The following MPRIP variants were observed in gnomAD, a reference collection of about 807,000 sequenced individuals.
MPRIP encodes the protein myosin phosphatase Rho-interacting protein.
In MPRIP, 59 loss-of-function variants were observed where a neutral mutation model predicts 234.9. The observed-to-expected ratio is 0.25, with a 90% CI of 0.20 to 0.31. MPRIP has a LOEUF of 0.31. Ranked by LOEUF, MPRIP falls within the 10% of genes least tolerant of loss-of-function variation. The pLI, the probability that MPRIP is intolerant of heterozygous loss-of-function variation, is 1.00. For synonymous variants in MPRIP, 1,144 were observed against 1,263.9 expected, an observed-to-expected ratio of 0.91 and a Z score of 2.01; for missense variants, 2,436 against 3,071.0, an observed-to-expected ratio of 0.79 and a Z score of 4.89.
At chr17:17,096,339 GT>G in intron 3 of MPRIP, among the ~76,000 whole-genome samples, 1 of 129,704 alleles carries the variant, frequency 7.7e-6, no homozygotes, top group Non-Finnish European at 1.6e-5. Flanking sequence ...GTGTGTGTGT[GT>G]GTCTCAGAGT....
At chr17:17,094,386 T>C (rs992787353) in intron 3 of MPRIP, among the ~76,000 whole-genome samples, 2 of 152,202 alleles carry the variant, frequency 1.3e-5, no homozygotes, top group Non-Finnish European at 2.9e-5. Context: ...CCTGATCCTT[T>C]GCAAATAAAC....
chr17:17,160,175 G>A (rs1411752999), intron 14 of MPRIP, among the ~76,000 whole-genome samples: 4 of 152,058 alleles, frequency 2.6e-5, no homozygotes, highest in Non-Finnish European at 5.9e-5. Context: ...AAGACCATCC[G>A]GCCAACATGG....
At position 17,165,215 on chromosome 17, in the gene MPRIP, G is replaced by T; in HGVS notation, c.3624G>T (p.Lys1208Asn). ...GCAGCTTAGAGGAAACAGAAATTAAGCTCCAGGCAAAAGAAGAGATTTTAA... is the reference window on the plus strand; with the variant it reads ...GCAGCTTAGAGGAAACAGAAATTAATCTCCAGGCAAAAGAAGAGATTTTAA... Reference protein sequence around the residue: ...LGSSLEETEIKLQAKEEILRK... With the variant: ...LGSSLEETEINLQAKEEILRK... Residue 1208 changes from lysine to asparagine, a missense_variant, in exon 16 of 24, where the codon AAG (lysine) becomes AAT (asparagine). Around this residue, in one of 4 missense-constraint regions of MPRIP, gnomAD observed 1,998 missense variants for 2,520.3 expected, o/e 0.79. Transcript: ENST00000651222. The T allele has an allele frequency of 7.7e-7, 1 of 1,304,142 alleles. No individual in the cohort carries two copies. The highest frequency in any genetic ancestry group is 1.0e-6 in the Non-Finnish European group (1 of 988,968). The allele number at this position is 1,304,142 out of a possible 1,614,324, so 80.8% of individuals were successfully genotyped here. A position where few individuals can be genotyped will look rare whatever the true frequency, so the allele number is the denominator to read the frequency against.
In MPRIP at chr17:17,192,199, G is replaced by A. The variant is rs555484267; in HGVS notation, c.*7305G>A. ...TTCTGTCACATGATGAAAAGAAGCA[G>A]CTTGTATAATTCCAACTGGTGTTTC... On this transcript the variant is annotated 3_prime_UTR_variant, in exon 24 of 24. Coordinates refer to ENST00000651222, the MANE Select transcript of MPRIP (RefSeq NM_001364716.4). 5.1e-4 allele frequency: 78 copies of A among 152,296 alleles called. No individual in the cohort carries two copies. Among genetic ancestry groups the A allele is most frequent in the African/African-American group, 1.5e-3 (62 of 41,564 alleles). 9.4% of individuals were successfully genotyped at this position (152,296 alleles called of 1,614,324 possible).
intron 2 of MPRIP, chr17:17,077,142 A>C (rs1472972773): frequency 6.6e-6 from 1 of 152,068 alleles, no homozygotes; most frequent in African/African-American, 2.4e-5. Context: ...GGGTTTCACC[A>C]TGCTGCCCAG....
chr17:17,074,586 A>G (rs2089281430), intron 1 of MPRIP, among the ~76,000 whole-genome samples: 1 of 152,206 alleles, frequency 6.6e-6, no homozygotes, highest in African/African-American at 2.4e-5. Context: ...GTCTAATTCT[A>G]GAATATTTTA....
In MPRIP at chr17:17,138,645, C is replaced by T. The variant is rs1481827410; in HGVS notation, c.1250+216C>T. ...AGAATTTCTGAGCATCAGAGGTCGA[C>T]GCCAAGAATAGCAGTTTTCACATCA... On this transcript the variant is annotated intron_variant, in intron 7 of 23. Coordinates refer to ENST00000651222, the MANE Select transcript of MPRIP (RefSeq NM_001364716.4). This position sits in a 1 kb window ranked among gnomAD's most constrained non-coding sequence, Gnocchi z 5.8. Among the ~76,000 whole-genome samples, 1 of 152,244 alleles carries T rather than the reference C, an allele frequency of 6.6e-6. No individual in the cohort carries two copies. The highest frequency in any genetic ancestry group is 1.5e-5 in the Non-Finnish European group (1 of 68,044).
chr17:17,168,755 C>T (rs776987731), intron 16 of MPRIP: 5 of 420,774 alleles, frequency 1.2e-5, no homozygotes, highest in South Asian at 8.5e-5. Flanking sequence ...CAGGAAGCTG[C>T]CCCAGTAAAT....
In MPRIP at chr17:17,131,609, C is replaced by T. The variant is rs745563957; in HGVS notation, c.420-8C>T. The T allele has an allele frequency of 1.2e-6, 2 of 1,613,868 alleles. No individual in the cohort carries two copies. Among genetic ancestry groups the T allele is most frequent in the Non-Finnish European group, 1.7e-6 (2 of 1,179,738 alleles). On this transcript the variant is annotated splice_polypyrimidine_tract_variant and splice_region_variant and intron_variant, in intron 4 of 23. Transcript: ENST00000651222. ...TTACCTGGTACTTGTCTCCTTTTCT[C>T]TTCCCAGGTGGCTGGAGATGCTCAT...
chr17:17,140,645 GT>G (rs1394367084), intron 7 of MPRIP, among the ~76,000 whole-genome samples: 1 of 152,116 alleles, frequency 6.6e-6, no homozygotes, highest in Non-Finnish European at 1.5e-5. Context: ...CACAGGGTTG[GT>G]TTTTTGACAA....
intron 9 of MPRIP, 115 bp downstream of exon 9, chr17:17,143,784 C>G (rs888431688): frequency 5.3e-6 from 3 of 561,690 alleles, no homozygotes; most frequent in Admixed American, 8.3e-5. Context: ...TGCACAGGCC[C>G]TCGTGTCCGT....
At chr17:17,054,455 G>A (rs967760000) in intron 1 of MPRIP, among the ~76,000 whole-genome samples, 1 of 152,160 alleles carries the variant, frequency 6.6e-6, no homozygotes, top group Non-Finnish European at 1.5e-5. Context: ...ACCGGTAGCT[G>A]GAGCCTCTCC....
intron 3 of MPRIP, among the ~76,000 whole-genome samples, chr17:17,096,240 C>G (rs2089836239): frequency 1.4e-5 from 2 of 142,142 alleles, no homozygotes; most frequent in African/African-American, 5.4e-5. Flanking sequence ...TATTGTTGGT[C>G]TGGGCCTGTG....
intron 2 of MPRIP, 81 bp from the exon 3 acceptor site, chr17:17,077,930 T>A: frequency 7.2e-7 from 1 of 1,397,230 alleles, no homozygotes; most frequent in Non-Finnish European, 1.0e-6. Flanking sequence ...TATGGACTTG[T>A]CAGACGTGGG....
At chr17:17,139,199 T>C (rs1210429722) in intron 7 of MPRIP, among the ~76,000 whole-genome samples, 1 of 151,930 alleles carries the variant, frequency 6.6e-6, no homozygotes, top group Non-Finnish European at 1.5e-5. Flanking sequence ...AGAGAAAGAG[T>C]TGGATGTCCT....
intron 1 of MPRIP, among the ~76,000 whole-genome samples, chr17:17,047,747 TG>T: frequency 6.6e-6 from 1 of 151,964 alleles, no homozygotes; most frequent in Non-Finnish European, 1.5e-5. Flanking sequence ...ACTTGGGGGA[TG>T]GGGAGGGGTA....
chr17:17,168,446 G>A (rs2046054272), intron 16 of MPRIP: 1 of 260,098 alleles, frequency 3.8e-6, no homozygotes, highest in East Asian at 1.0e-4. Context: ...GGCATTTGAT[G>A]TGTGCTCTGG....
intron 6 of MPRIP, among the ~76,000 whole-genome samples, chr17:17,136,821 C>T (rs570393773): frequency 6.6e-6 from 1 of 152,302 alleles, no homozygotes; most frequent in East Asian, 1.9e-4. Context: ...AAGCTGCAGT[C>T]AGTCTCATCC....
intron 7 of MPRIP, chr17:17,142,329 A>G: frequency 3.2e-6 from 1 of 312,718 alleles, no homozygotes. Context: ...TCTGTGGCTC[A>G]GGAGAGGCTG....
Sources: gnomAD v4.1 joint callset for allele counts (sites outside exome capture counted in the v4.1 genomes callset) on GRCh38, gnomAD v4.1.1 for gene constraint, gnomAD v4.1.1 regional missense constraint, Gnocchi (gnomAD v3.1) non-coding constraint, MANE v1.5 for transcripts, NCBI Gene and HGNC (gene_info 2026-07-23, HGNC 2026-07-21) for gene names.